FANK1: variants seen among roughly 807,000 people sequenced by gnomAD.
FANK1 encodes the protein fibronectin type 3 and ankyrin repeat domains protein 1.
FANK1 carries 44 observed loss-of-function variants against 45.3 expected under a neutral mutation model. The ratio of observed to expected loss-of-function variants is 0.97; its 90% CI spans 0.76 to 1.25. The LOEUF is 1.25. Among genes scored for constraint, FANK1 ranks in the 50% most tolerant of loss-of-function variants. The pLI is 0.00. For synonymous variants in FANK1, 149 were observed against 152.5 expected (o/e 0.98, Z 0.17); for missense variants, 391 against 424.4 (o/e 0.92, Z 0.69).
At chr10:125,973,339 A>G (rs1031828608) in intron 1 of FANK1, 19 of 675,624 alleles carry the variant, frequency 2.8e-5, no homozygotes, top group Admixed American at 6.3e-5. Flanking sequence ...GGGGTAATCC[A>G]TAACAGTCTA....
chr10:125,979,814 G>C (rs1448003490), intron 1 of FANK1: 2 of 471,348 alleles, frequency 4.2e-6, no homozygotes, highest in Admixed American at 2.3e-5. Flanking sequence ...TCTTGGCTTT[G>C]TTAGTCACTG....
chr10:125,969,435 A>G (rs1398552244), intron 1 of FANK1, among the ~76,000 whole-genome samples: 1 of 152,124 alleles, frequency 6.6e-6, no homozygotes, highest in African/African-American at 2.4e-5. Context: ...TATAAAAAGT[A>G]GCATGTAAGT....
At position 125,983,018 on chromosome 10, in the gene FANK1, A is replaced by G. The variant is rs955383814; in HGVS notation, c.191+2680A>G. 2.6e-5 allele frequency among the ~76,000 whole-genome samples: 4 copies of G among 151,552 alleles called. No individual in the cohort carries two copies. Among genetic ancestry groups the G allele is most frequent in the Non-Finnish European group, 5.9e-5 (4 of 67,936 alleles). On this transcript the variant is annotated intron_variant, in intron 2 of 10. Coordinates refer to ENST00000368693, the MANE Select transcript of FANK1 (RefSeq NM_145235.5). The surrounding 1 kb of genome is among the most constrained non-coding windows in gnomAD (Gnocchi z 4.3). The stretch of plus-strand genomic sequence containing the variant: ...TGGGTCCTCCATTGCTTAAAGGATA[A>G]AGGCCAAATTCCTTAGACTAACATT...
At chr10:125,902,669 C>T (rs1157826100) in intron 1 of FANK1, among the ~76,000 whole-genome samples, 63 of 152,100 alleles carry the variant, frequency 4.1e-4, no homozygotes, top group Non-Finnish European at 7.4e-4. Context: ...TCATTCTATC[C>T]GGTAAGAATA....
chr10:125,931,894 G>T (rs1024542662), intron 1 of FANK1, among the ~76,000 whole-genome samples: 12 of 152,156 alleles, frequency 7.9e-5, no homozygotes, highest in African/African-American at 2.9e-4. Flanking sequence ...TAAGGTAAGA[G>T]ATAAGGATCC....
intron 1 of FANK1, chr10:125,972,433 G>C (rs899715762): frequency 6.6e-6 from 1 of 152,168 alleles, no homozygotes; most frequent in African/African-American, 2.4e-5. Flanking sequence ...TTTTATCAAA[G>C]AGAAAGTAGA....
At position 125,989,093 on chromosome 10, in the gene FANK1, C is replaced by T. The variant is rs910841250; in HGVS notation, c.316+418C>T. Among the ~76,000 whole-genome samples, 4 of 152,276 alleles carry T rather than the reference C, an allele frequency of 2.6e-5. No homozygotes were observed. In the East Asian group the frequency reaches 5.8e-4, roughly 22 times the overall value. On this transcript the variant is annotated intron_variant, in intron 3 of 10. Coordinates refer to ENST00000368693, the MANE Select transcript of FANK1 (RefSeq NM_145235.5). ...CAACCCCAGGGTGTGCGTCTTAACT[C>T]GCCACACAAACCCGATTCCTGGGGT... is the stretch of plus-strand genomic sequence containing the variant.
At chr10:125,917,953 C>A (rs1275055538) in intron 1 of FANK1, among the ~76,000 whole-genome samples, 9 of 152,404 alleles carry the variant, frequency 5.9e-5, no homozygotes, top group Admixed American at 1.3e-4. Context: ...GTGGAACATA[C>A]CTGTAGTCCC....
chr10:125,990,983 AC>A, intron 3 of FANK1, among the ~76,000 whole-genome samples: 1 of 152,186 alleles, frequency 6.6e-6, no homozygotes. Flanking sequence ...GGAAAGCCCC[AC>A]CCCCATGATT....
chr10:125,970,674 C>T (rs767605123), intron 1 of FANK1, among the ~76,000 whole-genome samples: 12 of 152,316 alleles, frequency 7.9e-5, no homozygotes, highest in Admixed American at 2.6e-4. Context: ...ACCAGTCAGG[C>T]GTGACAGCGC....
At chr10:125,980,861 C>T (rs1344804564) in intron 2 of FANK1, 11 of 153,168 alleles carry the variant, frequency 7.2e-5, no homozygotes, top group Non-Finnish European at 1.2e-4. Context: ...GGTTCCTTCA[C>T]ACCATGCCAA....
chr10:126,003,936 A>G (rs1653733870), intron 6 of FANK1, among the ~76,000 whole-genome samples: 2 of 152,116 alleles, frequency 1.3e-5, no homozygotes, highest in Non-Finnish European at 2.9e-5. Context: ...TCGGCCTCCA[A>G]AAGTACTAGG....
Position 126,005,006 on chromosome 10 carries a change from G to GC in FANK1, c.664dup (p.His222ProfsTer6). On this transcript the variant is annotated frameshift_variant, in exon 7 of 11. Transcript: ENST00000368693. LOFTEE classifies it high-confidence loss of function. ...GCTCTGCACTGGGCTGCAGATGGAG[G>GC]CCACTGCAGTGTGATTGAGTGGATG... 6.2e-7 allele frequency: 1 copy of GC among 1,614,170 alleles called. No individual in the cohort carries two copies. Among genetic ancestry groups the GC allele is most frequent in the South Asian group, 1.1e-5 (1 of 91,084 alleles).
At chr10:126,006,581 C>T (rs745975122) in intron 7 of FANK1, among the ~76,000 whole-genome samples, 6 of 152,264 alleles carry the variant, frequency 3.9e-5, no homozygotes, top group Middle Eastern at 3.4e-3. Context: ...GCATCGGGGC[C>T]GGGCACAGTG....
At chr10:125,939,973 C>T (rs560675660) in intron 1 of FANK1, among the ~76,000 whole-genome samples, 42 of 151,536 alleles carry the variant, frequency 2.8e-4, no homozygotes, top group African/African-American at 1.0e-3. Context: ...CTCTGTTGCC[C>T]AGGCTGGAGT....
chr10:125,950,822 T>A (rs12771955), intron 1 of FANK1, among the ~76,000 whole-genome samples: 36,337 of 134,276 alleles, frequency 0.27, 5,035 homozygotes, highest in East Asian at 0.38. Context: ...TATTCACAAT[T>A]GCAAAGACTT....
intron 1 of FANK1, among the ~76,000 whole-genome samples, chr10:125,924,046 G>C (rs1589873970): frequency 6.6e-6 from 1 of 152,030 alleles, no homozygotes; most frequent in African/African-American, 2.4e-5. Flanking sequence ...AGCCTGTAAG[G>C]GGGAGGCTGT....
intron 7 of FANK1, 41 bp downstream of exon 7, chr10:126,005,090 A>G: frequency 6.3e-7 from 1 of 1,577,088 alleles, no homozygotes; most frequent in Non-Finnish European, 8.7e-7. Context: ...TATCGTTAAG[A>G]ATCTGAAATG....
chr10:125,963,575 G>GC (rs1182633531), intron 1 of FANK1, among the ~76,000 whole-genome samples: 1 of 152,202 alleles, frequency 6.6e-6, no homozygotes, highest in African/African-American at 2.4e-5. Context: ...AAGAAAGGAT[G>GC]AGTTCATGTC....
Sources: allele counts gnomAD v4.1 joint callset (sites outside exome capture counted in the v4.1 genomes callset), GRCh38; gene constraint gnomAD v4.1.1; non-coding constraint Gnocchi (gnomAD v3.1); transcripts MANE v1.5; gene names NCBI Gene and HGNC (gene_info 2026-07-23, HGNC 2026-07-21).